The following MSH3 variants were observed in gnomAD, a reference collection of about 807,000 sequenced individuals.
The protein encoded by MSH3 is mutS homolog 3.
A neutral mutation model predicts 123.3 loss-of-function variants in MSH3; 106 were observed. That is an observed-to-expected ratio of 0.86 (90% CI 0.73 to 1.01). MSH3 has a LOEUF of 1.01. Among genes scored for constraint, MSH3 ranks in the 50% least tolerant of loss-of-function variants. The pLI, the probability that MSH3 is intolerant of heterozygous loss-of-function variation, is 0.00. For missense variants in MSH3, 1,459 were observed against 1,347.6 expected (o/e 1.08, Z -1.29); for synonymous variants, 515 against 481.4 (o/e 1.07, Z -0.91).
At chr5:80,687,473 A>T (rs1561442561) in intron 8 of MSH3, among the ~76,000 whole-genome samples, 1 of 152,208 alleles carries the variant, frequency 6.6e-6, no homozygotes, top group Non-Finnish European at 1.5e-5. Flanking sequence ...GTTCAAAGAA[A>T]TGAGAGCTTC....
intron 9 of MSH3, among the ~76,000 whole-genome samples, chr5:80,726,363 A>G (rs1258308279): frequency 6.6e-6 from 1 of 152,174 alleles, no homozygotes. Flanking sequence ...TTTAAGCATC[A>G]GTGTCTAGTT....
intron 21 of MSH3, chr5:80,855,450 T>G (rs1745900072): frequency 6.6e-6 from 1 of 152,236 alleles, no homozygotes; most frequent in East Asian, 1.9e-4. Flanking sequence ...TAATTTCCAT[T>G]TAATTTTTTT....
intron 19 of MSH3, among the ~76,000 whole-genome samples, chr5:80,802,320 G>A (rs952813508): frequency 1.2e-4 from 18 of 151,436 alleles, no homozygotes; most frequent in African/African-American, 4.4e-4. Context: ...CAACAATATG[G>A]ATATACCATA....
At chr5:80,713,406 C>T (rs80192668) in intron 8 of MSH3, among the ~76,000 whole-genome samples, 3,811 of 151,948 alleles carry the variant, frequency 0.025, 148 homozygotes, top group African/African-American at 0.085. Flanking sequence ...TTAATTTAAC[C>T]GTCTAGCTTG....
At chr5:80,715,663 G>A (rs1456912609) in intron 8 of MSH3, among the ~76,000 whole-genome samples, 1 of 152,066 alleles carries the variant, frequency 6.6e-6, no homozygotes, top group Non-Finnish European at 1.5e-5. Context: ...GCATGGCTGG[G>A]GAGGCCTCAG....
intron 15 of MSH3, among the ~76,000 whole-genome samples, chr5:80,769,727 T>G (rs1320348572): frequency 6.6e-6 from 1 of 152,108 alleles, no homozygotes; most frequent in African/African-American, 2.4e-5. Flanking sequence ...ATTAGGAAAC[T>G]TATGGTTAAC....
chr5:80,738,629 G>T (rs929433555), intron 10 of MSH3, among the ~76,000 whole-genome samples: 1 of 152,134 alleles, frequency 6.6e-6, no homozygotes, highest in Non-Finnish European at 1.5e-5. Flanking sequence ...CCATACCACC[G>T]TGAAAAATTA....
At chr5:80,753,474 TGAG>T (rs1442412468) in intron 12 of MSH3, among the ~76,000 whole-genome samples, 3 of 152,132 alleles carry the variant, frequency 2.0e-5, no homozygotes, top group Non-Finnish European at 4.4e-5. Context: ...CATGAACAAT[TGAG>T]GAATGTTTTT....
intron 20 of MSH3, among the ~76,000 whole-genome samples, chr5:80,826,870 A>G (rs1286978498): frequency 2.6e-5 from 4 of 152,102 alleles, no homozygotes; most frequent in African/African-American, 9.7e-5. Context: ...TTATCTGAAT[A>G]CTATAACCTC....
At chr5:80,671,898 A>G (rs902309192) in intron 4 of MSH3, among the ~76,000 whole-genome samples, 5 of 152,324 alleles carry the variant, frequency 3.3e-5, no homozygotes, top group South Asian at 2.1e-4. Context: ...TGCACATGCC[A>G]TGTAGCAAAT....
intron 20 of MSH3, among the ~76,000 whole-genome samples, chr5:80,823,403 G>C (rs41100): frequency 6.6e-6 from 1 of 152,020 alleles, no homozygotes. Context: ...ACTCAGGGAC[G>C]TGGAATTTGG....
chr5:80,680,218 C>T (rs1286780872), intron 8 of MSH3, among the ~76,000 whole-genome samples: 1 of 151,762 alleles, frequency 6.6e-6, no homozygotes, highest in Non-Finnish European at 1.5e-5. Flanking sequence ...CAAGATCACA[C>T]CACTTCACTC....
chr5:80,852,749 C>T (rs559166778), intron 20 of MSH3, among the ~76,000 whole-genome samples: 1 of 152,336 alleles, frequency 6.6e-6, no homozygotes, highest in African/African-American at 2.4e-5. Context: ...GTTGACATCA[C>T]ATTCCATCTC....
At chr5:80,741,603 AG>A in intron 11 of MSH3, 55 bp downstream of exon 11, 2 of 1,231,410 alleles carry the variant, frequency 1.6e-6, no homozygotes, top group Non-Finnish European at 2.4e-6. Flanking sequence ...AAAACTTCTG[AG>A]TAAGGCAGCA....
rs772358184 is a variant in MSH3, at chr5:80,775,652, T to C, written c.2254-42T>C. 7 of 1,118,416 alleles carry C rather than the reference T, an allele frequency of 6.3e-6. No homozygotes were observed. The highest frequency in any genetic ancestry group is 9.5e-6 in the Non-Finnish European group (7 of 739,078). The allele number at this position is 1,118,416 out of a possible 1,614,324, so 69.3% of individuals were successfully genotyped here. A position where few individuals can be genotyped will look rare whatever the true frequency, so the allele number is the denominator to read the frequency against. The stretch of plus-strand genomic sequence containing the variant: ...TTGGGGAAAGCTTTAAAATATATAA[T>C]GGTTACTTATCTAAATCTCTGTTTA... On this transcript the variant is annotated intron_variant, in intron 15 of 23. Coordinates refer to ENST00000265081, the MANE Select transcript of MSH3 (RefSeq NM_002439.5).
At chr5:80,658,032 G>C (rs1561431465) in intron 2 of MSH3, among the ~76,000 whole-genome samples, 4 of 48,096 alleles carry the variant, frequency 8.3e-5, no homozygotes, top group African/African-American at 1.5e-4. Context: ...AATGCTTTTT[G>C]CCCTCTTTTT....
chr5:80,691,735 A>T (rs1322917894), intron 8 of MSH3, among the ~76,000 whole-genome samples: 1 of 148,338 alleles, frequency 6.7e-6, no homozygotes, highest in Admixed American at 6.8e-5. Flanking sequence ...CAAAACTTAC[A>T]TATATATGTG....
At chr5:80,680,793 ATCC>A (rs1039623951) in intron 8 of MSH3, among the ~76,000 whole-genome samples, 1 of 152,036 alleles carries the variant, frequency 6.6e-6, no homozygotes, top group Non-Finnish European at 1.5e-5. Context: ...GCATCAGTTT[ATCC>A]TCTAATATTT....
At chr5:80,853,938 CA>C (rs1745872057) in intron 20 of MSH3, among the ~76,000 whole-genome samples, 191 bp from the exon 21 acceptor site, 1 of 152,206 alleles carries the variant, frequency 6.6e-6, no homozygotes, top group African/African-American at 2.4e-5. Flanking sequence ...AATGTTCCTA[CA>C]AAGTACAGTA....
Sources: gnomAD v4.1 joint callset for allele counts (sites outside exome capture counted in the v4.1 genomes callset) on GRCh38, gnomAD v4.1.1 for gene constraint, MANE v1.5 for transcripts, NCBI Gene and HGNC (gene_info 2026-07-23, HGNC 2026-07-21) for gene names.